Variants in IL2RA observed in about 807,000 individuals in gnomAD.
IL2RA encodes the protein interleukin 2 receptor subunit alpha, also known as interleukin-2 receptor subunit alpha.
A neutral mutation model predicts 37.8 loss-of-function variants in IL2RA; 24 were observed. The ratio of observed to expected loss-of-function variants is 0.63; its 90% CI spans 0.46 to 0.89. The LOEUF (loss-of-function observed/expected upper bound fraction) is 0.89. Among genes scored for constraint, IL2RA ranks in the 40% least tolerant of loss-of-function variants. IL2RA has a pLI of 0.00. For missense variants in IL2RA, 319 were observed against 348.6 expected (o/e 0.92, Z 0.68); for synonymous variants, 125 against 114.6 (o/e 1.09, Z -0.58).
At position 6,054,006 on chromosome 10, in the gene IL2RA, C is replaced by G. The variant is rs938548656; in HGVS notation, c.64+8082G>C. Among the ~76,000 whole-genome samples the G allele has an allele frequency of 7.9e-5, 12 of 152,324 alleles. No homozygotes were observed. Among genetic ancestry groups the G allele is most frequent in the Middle Eastern group, 6.8e-3 (2 of 294 alleles). On this transcript the variant is annotated intron_variant, in intron 1 of 7. Coordinates refer to ENST00000379959, the MANE Select transcript of IL2RA (RefSeq NM_000417.3). The surrounding 1 kb of genome is among the most constrained non-coding windows in gnomAD (Gnocchi z 4.5). ...AGGCCCCTCTACTGGCACAGGATGTCAATACTCCTGATCCGTATCTTGCCT... is the reference window on the plus strand; with the variant it reads ...AGGCCCCTCTACTGGCACAGGATGTGAATACTCCTGATCCGTATCTTGCCT...
At chr10:6,041,813 G>A (rs1373378007) in intron 1 of IL2RA, among the ~76,000 whole-genome samples, 1 of 152,084 alleles carries the variant, frequency 6.6e-6, no homozygotes, top group Non-Finnish European at 1.5e-5. Context: ...GATAGCTTTA[G>A]TAACAGGAGA....
Position 6,047,189 on chromosome 10 carries a change from G to C in IL2RA, c.64+14899C>G, listed in dbSNP as rs1025901556. On this transcript the variant is annotated intron_variant, in intron 1 of 7. Transcript: ENST00000379959. This position sits in a 1 kb window ranked among gnomAD's most constrained non-coding sequence, Gnocchi z 5.0. Reference sequence around the variant, plus strand: ...GAACCCTTGCTGATGTGCAGAAGGGGTTAATCAGACCATGTGGACACAGGT... The same window carrying C: ...GAACCCTTGCTGATGTGCAGAAGGGCTTAATCAGACCATGTGGACACAGGT... Among the ~76,000 whole-genome samples, 18 of 152,196 alleles carry C rather than the reference G, an allele frequency of 1.2e-4. No individual in the cohort carries two copies. The highest frequency in any genetic ancestry group is 4.3e-4 in the African/African-American group (18 of 41,454).
rs918268256 is a variant in IL2RA at position 6,056,731 on chromosome 10, G to A, written c.64+5357C>T. 6.6e-6 allele frequency among the ~76,000 whole-genome samples: 1 copy of A among 151,960 alleles called. No individual in the cohort carries two copies. The highest frequency in any genetic ancestry group is 1.5e-5 in the Non-Finnish European group (1 of 67,992). On this transcript the variant is annotated intron_variant, in intron 1 of 7. Coordinates refer to ENST00000379959, the MANE Select transcript of IL2RA (RefSeq NM_000417.3). This position sits in a 1 kb window ranked among gnomAD's most constrained non-coding sequence, Gnocchi z 5.0. ...ATTGCACCACTGTGCTCTAGCCTGG[G>A]CGACAGAGCGAAACTGTCCAAAAAA... is the stretch of plus-strand genomic sequence containing the variant.
chr10:6,057,061 C>T lies in IL2RA; in HGVS notation c.64+5027G>A, dbSNP rs564670446. Among the ~76,000 whole-genome samples, 39 of 152,312 alleles carry T rather than the reference C, an allele frequency of 2.6e-4. No individual in the cohort carries two copies. The highest frequency in any genetic ancestry group is 7.9e-4 in the African/African-American group (33 of 41,560). On this transcript the variant is annotated intron_variant, in intron 1 of 7. Transcript: ENST00000379959. This position sits in a 1 kb window ranked among gnomAD's most constrained non-coding sequence, Gnocchi z 4.8. ...TGAAGCTTTCTCTGATAGCCCCATG[C>T]TCAGTAGATCTTACCACATATGACT... is the stretch of plus-strand genomic sequence containing the variant.
Position 6,058,796 on chromosome 10 carries a change from C to T in IL2RA, c.64+3292G>A, listed in dbSNP as rs1840084882. ...ATTTCCACAGTTCTGAGAAAGGTGCCTTCAATAACGTGCCATATTGGTAAT... is the reference window on the plus strand; with the variant it reads ...ATTTCCACAGTTCTGAGAAAGGTGCTTTCAATAACGTGCCATATTGGTAAT... On this transcript the variant is annotated intron_variant, in intron 1 of 7. Transcript: ENST00000379959. This position sits in a 1 kb window ranked among gnomAD's most constrained non-coding sequence, Gnocchi z 4.2. Among the ~76,000 whole-genome samples the T allele has an allele frequency of 6.6e-6, 1 of 152,110 alleles. No homozygotes were observed. The highest frequency in any genetic ancestry group is 1.5e-5 in the Non-Finnish European group (1 of 68,012).
chr10:6,037,990 A>G lies in IL2RA; in HGVS notation c.65-11965T>C, dbSNP rs535375917. 2.6e-5 allele frequency among the ~76,000 whole-genome samples: 4 copies of G among 152,288 alleles called. No homozygotes were observed. In the South Asian group the frequency reaches 8.3e-4, roughly 32 times the overall value. On this transcript the variant is annotated intron_variant, in intron 1 of 7. Coordinates refer to ENST00000379959, the MANE Select transcript of IL2RA (RefSeq NM_000417.3). ...AGAAGTTTAGGCCGTATAGAAAGTA[A>G]GTGGTTTGGGTGCAAAAGGGATGTA...
chr10:6,018,011 C>A lies in IL2RA; in HGVS notation c.794+42G>T. ...AGGCAGGGTGGGGCTGGGTACAGGA[C>A]TTTGATCTGACCAAGGGCTGCCTTG... On this transcript the variant is annotated intron_variant, in intron 7 of 7. Transcript: ENST00000379959. This position sits in a 1 kb window ranked among gnomAD's most constrained non-coding sequence, Gnocchi z 5.1. The A allele has an allele frequency of 6.4e-7, 1 of 1,571,128 alleles. No homozygotes were observed. The highest frequency in any genetic ancestry group is 2.2e-5 in the East Asian group (1 of 44,522).
rs938409161 is a variant in IL2RA, at chr10:6,048,401, C to T, written c.64+13687G>A. ...AAGAGTAGGTTCCAGGGAGGGAGGA[C>T]AGTTCTGGATGTGTAGACTGAGCAG... On this transcript the variant is annotated intron_variant, in intron 1 of 7. Coordinates refer to ENST00000379959, the MANE Select transcript of IL2RA (RefSeq NM_000417.3). The surrounding 1 kb of genome is among the most constrained non-coding windows in gnomAD (Gnocchi z 5.3). Among the ~76,000 whole-genome samples the T allele has an allele frequency of 1.3e-5, 2 of 152,126 alleles. No individual in the cohort carries two copies. The highest frequency in any genetic ancestry group is 2.4e-5 in the African/African-American group (1 of 41,420).
rs942063691 is a variant in IL2RA, at chr10:6,018,818, G to A, written c.727+610C>T. Among the ~76,000 whole-genome samples the A allele has an allele frequency of 2.6e-5, 4 of 152,140 alleles. No homozygotes were observed. The highest frequency in any genetic ancestry group is 7.2e-5 in the African/African-American group (3 of 41,426). On this transcript the variant is annotated intron_variant, in intron 6 of 7. Transcript: ENST00000379959. This position sits in a 1 kb window ranked among gnomAD's most constrained non-coding sequence, Gnocchi z 5.1. ...CTCACACATTCTGCAGTGTAAGGAA[G>A]GGGTCCTTTCAGTCAACCAACCAAC...
chr10:6,060,251 G>A (rs1187191046), intron 1 of IL2RA, among the ~76,000 whole-genome samples: 1 of 152,190 alleles, frequency 6.6e-6, no homozygotes, highest in African/African-American at 2.4e-5. Context: ...TGGACTCTGA[G>A]GACTCAGGGG....
At chr10:6,019,210 A>G (rs1418748365) in intron 6 of IL2RA, among the ~76,000 whole-genome samples, 1 of 152,176 alleles carries the variant, frequency 6.6e-6, no homozygotes, top group Non-Finnish European at 1.5e-5. Flanking sequence ...CTACCAACAT[A>G]CAAACCAACC....
chr10:6,061,745 G>C (rs772860454), intron 1 of IL2RA, among the ~76,000 whole-genome samples: 26 of 152,144 alleles, frequency 1.7e-4, no homozygotes, highest in Non-Finnish European at 3.4e-4. Flanking sequence ...AGAATAAAAG[G>C]AAATTCATTG....
At chr10:6,060,092 T>G (rs1223319306) in intron 1 of IL2RA, among the ~76,000 whole-genome samples, 3 of 152,152 alleles carry the variant, frequency 2.0e-5, no homozygotes, top group African/African-American at 7.2e-5. Flanking sequence ...ACGAGTTTAC[T>G]TGAAATGTGT....
At chr10:6,024,412 T>G in intron 2 of IL2RA, 58 bp from the exon 3 acceptor site, 1 of 1,230,910 alleles carries the variant, frequency 8.1e-7, no homozygotes, top group Non-Finnish European at 1.2e-6. Context: ...TAGAAAACAC[T>G]GTTCATGTAT....
Position 6,020,460 on chromosome 10 carries a change from A to G in IL2RA, c.584-519T>C, listed in dbSNP as rs1839366589. On this transcript the variant is annotated intron_variant, in intron 4 of 7. Transcript: ENST00000379959. The surrounding 1 kb of genome is among the most constrained non-coding windows in gnomAD (Gnocchi z 5.6). ...GCTAAGGGAACAAAACAGCCTCCCT[A>G]GGGAACCCAAGAGAAGGACATGGAG... is the stretch of plus-strand genomic sequence containing the variant. Among the ~76,000 whole-genome samples, 1 of 152,092 alleles carries G rather than the reference A, an allele frequency of 6.6e-6. No individual in the cohort carries two copies. The highest frequency in any genetic ancestry group is 2.4e-5 in the African/African-American group (1 of 41,416).
chr10:6,041,618 A>G (rs1354565522), intron 1 of IL2RA, among the ~76,000 whole-genome samples: 4 of 152,236 alleles, frequency 2.6e-5, no homozygotes, highest in African/African-American at 9.6e-5. Flanking sequence ...ATATAAATCA[A>G]TTAAGCTTGC....
rs980410467 is a variant in IL2RA at position 6,058,504 on chromosome 10, G to T, written c.64+3584C>A. 1.3e-5 allele frequency among the ~76,000 whole-genome samples: 2 copies of T among 152,178 alleles called. No homozygotes were observed. The highest frequency in any genetic ancestry group is 2.9e-5 in the Non-Finnish European group (2 of 68,032). On this transcript the variant is annotated intron_variant, in intron 1 of 7. Transcript: ENST00000379959. The surrounding 1 kb of genome is among the most constrained non-coding windows in gnomAD (Gnocchi z 4.2). ...TGTCTTGAAGATGAATGAAGTAACA[G>T]TAGCAATAATACTTTGGGATCTCAA... is the stretch of plus-strand genomic sequence containing the variant.
chr10:6,017,101 CT>C, intron 7 of IL2RA: 1 of 164,944 alleles, frequency 6.1e-6, no homozygotes, highest in Non-Finnish European at 1.3e-5. Context: ...AAGCACAGCC[CT>C]TTGGACTGCC....
At chr10:6,045,614 T>G (rs1316584727) in intron 1 of IL2RA, among the ~76,000 whole-genome samples, 1 of 152,204 alleles carries the variant, frequency 6.6e-6, no homozygotes, top group Non-Finnish European at 1.5e-5. Flanking sequence ...AGAAACACAC[T>G]CTTTTTCTTT....
Sources: allele counts gnomAD v4.1 joint callset (sites outside exome capture counted in the v4.1 genomes callset), GRCh38; gene constraint gnomAD v4.1.1; non-coding constraint Gnocchi (gnomAD v3.1); transcripts MANE v1.5; gene names NCBI Gene and HGNC (gene_info 2026-07-23, HGNC 2026-07-21).